SORCS3: variants seen among roughly 807,000 people sequenced by gnomAD.
SORCS3 encodes the protein sortilin related VPS10 domain containing receptor 3, also known as VPS10 domain-containing receptor SorCS3.
SORCS3 carries 57 observed loss-of-function variants against 146.3 expected under a neutral mutation model. The ratio of observed to expected loss-of-function variants is 0.39; its 90% confidence interval spans 0.31 to 0.49. SORCS3 has a LOEUF of 0.49. SORCS3 is among the 20% of genes least tolerant of loss of function. The pLI is 0.92. For synonymous variants in SORCS3, 653 were observed against 618.5 expected, an observed-to-expected ratio of 1.06 and a Z score of -0.83; for missense variants, 1,341 against 1,575.5, an observed-to-expected ratio of 0.85 and a Z score of 2.52.
intron 1 of SORCS3, among the ~76,000 whole-genome samples, chr10:104,796,404 T>C (rs185938783): frequency 2.3e-4 from 35 of 152,098 alleles, no homozygotes; most frequent in African/African-American, 8.0e-4. Flanking sequence ...TAGGGTAGAG[T>C]GTCTTTAACA....
At chr10:105,167,438 C>A (rs2119528098) in intron 13 of SORCS3, 89 bp downstream of exon 13, 7 of 886,502 alleles carry the variant, frequency 7.9e-6, no homozygotes, top group South Asian at 3.2e-5. Flanking sequence ...TGGTTTTGTA[C>A]CCATTTGTAC....
At chr10:104,850,568 A>G (rs2018264419) in intron 2 of SORCS3, among the ~76,000 whole-genome samples, 1 of 152,152 alleles carries the variant, frequency 6.6e-6, no homozygotes. Flanking sequence ...TGGGTGACAA[A>G]GTGAGACCCT....
chr10:105,084,983 G>A (rs2055650623), intron 5 of SORCS3, among the ~76,000 whole-genome samples: 1 of 152,080 alleles, frequency 6.6e-6, no homozygotes, highest in Non-Finnish European at 1.5e-5. Flanking sequence ...GCCCGACTCG[G>A]CCTCCCAAAG....
In SORCS3 at chr10:104,773,629, G is replaced by A. The variant is rs1246543805; in HGVS notation, c.628-69163G>A. 6.6e-5 allele frequency among the ~76,000 whole-genome samples: 10 copies of A among 152,196 alleles called. No individual in the cohort carries two copies. The East Asian group carries it at 1.9e-3, about 29-fold the overall frequency. ...AGGAGGAGGAACTCAGAATAGGGAG[G>A]CAGACACTGCTGTGTGTTGTTGGGA... On this transcript the variant is annotated intron_variant, in intron 1 of 26. Coordinates refer to ENST00000369701, the MANE Select transcript of SORCS3 (RefSeq NM_014978.3).
At chr10:105,258,264 G>A (rs1366660701) in intron 25 of SORCS3, among the ~76,000 whole-genome samples, 1 of 152,160 alleles carries the variant, frequency 6.6e-6, no homozygotes, top group Non-Finnish European at 1.5e-5. Context: ...ATCAAGATGT[G>A]TTAACCCACA....
intron 1 of SORCS3, among the ~76,000 whole-genome samples, chr10:104,702,791 T>TAG (rs887569558): frequency 3.3e-5 from 5 of 152,184 alleles, no homozygotes; most frequent in African/African-American, 1.2e-4. Context: ...AATAGAGTGC[T>TAG]AGACTGGGTG....
At chr10:105,158,062 T>C (rs745953858) in intron 10 of SORCS3, among the ~76,000 whole-genome samples, 17 of 152,230 alleles carry the variant, frequency 1.1e-4, no homozygotes, top group Non-Finnish European at 2.5e-4. Context: ...TTTCCCTTTG[T>C]AATTTTCAGC....
chr10:104,646,950 C>T (rs1487503606), intron 1 of SORCS3, among the ~76,000 whole-genome samples: 2 of 152,030 alleles, frequency 1.3e-5, no homozygotes, highest in Non-Finnish European at 2.9e-5. Flanking sequence ...GATGAGGGAG[C>T]TTTGCCTTAC....
chr10:105,162,096 C>T (rs1464044207), intron 11 of SORCS3, among the ~76,000 whole-genome samples: 1 of 152,226 alleles, frequency 6.6e-6, no homozygotes, highest in Non-Finnish European at 1.5e-5. Context: ...CTCCCTCTGG[C>T]ATGAGTGGTG....
intron 5 of SORCS3, among the ~76,000 whole-genome samples, chr10:105,059,206 A>G (rs1204238247): frequency 6.6e-6 from 1 of 152,092 alleles, no homozygotes; most frequent in Non-Finnish European, 1.5e-5. Context: ...CCCCTTATCA[A>G]AAACCCCCTC....
intron 1 of SORCS3, among the ~76,000 whole-genome samples, chr10:104,724,100 G>A (rs1450250667): frequency 6.6e-6 from 1 of 152,136 alleles, no homozygotes; most frequent in Non-Finnish European, 1.5e-5. Flanking sequence ...GCATGTTTTT[G>A]CAGTGGCTGG....
chr10:104,759,425 G>A (rs1354117792), intron 1 of SORCS3, among the ~76,000 whole-genome samples: 1 of 152,050 alleles, frequency 6.6e-6, no homozygotes, highest in South Asian at 2.1e-4. Flanking sequence ...ATCTGCAGAG[G>A]GCCAAATAAT....
chr10:105,041,768 C>T (rs1480856387), intron 4 of SORCS3, among the ~76,000 whole-genome samples: 2 of 152,086 alleles, frequency 1.3e-5, no homozygotes, highest in Non-Finnish European at 2.9e-5. Context: ...GGAAGAACAG[C>T]CCTATAGGAG....
At chr10:105,081,199 T>C (rs1186714632) in intron 5 of SORCS3, among the ~76,000 whole-genome samples, 1 of 152,178 alleles carries the variant, frequency 6.6e-6, no homozygotes, top group Admixed American at 6.5e-5. Flanking sequence ...ACCTTATCAG[T>C]ATTTTACCCT....
intron 1 of SORCS3, among the ~76,000 whole-genome samples, chr10:104,780,834 G>A (rs1374372031): frequency 6.6e-6 from 1 of 152,180 alleles, no homozygotes. Flanking sequence ...AGGGGACATG[G>A]AAGTGTCAGA....
chr10:105,239,566 G>A (rs1200813620), intron 20 of SORCS3, among the ~76,000 whole-genome samples: 1 of 152,128 alleles, frequency 6.6e-6, no homozygotes, highest in East Asian at 1.9e-4. Flanking sequence ...CGCACATGAG[G>A]GATTCTCTGT....
At chr10:104,788,036 T>G (rs1292905438) in intron 1 of SORCS3, among the ~76,000 whole-genome samples, 1 of 152,196 alleles carries the variant, frequency 6.6e-6, no homozygotes, top group Non-Finnish European at 1.5e-5. Flanking sequence ...TCTTATAGAC[T>G]CTACTTGGAG....
intron 1 of SORCS3, among the ~76,000 whole-genome samples, chr10:104,729,716 T>G (rs191638548): frequency 4.0e-4 from 61 of 152,364 alleles, no homozygotes; most frequent in Admixed American, 2.5e-3. Context: ...TCAGGCTGCA[T>G]GAGTGGAACT....
chr10:105,243,948 G>A (rs1346533010), intron 20 of SORCS3, among the ~76,000 whole-genome samples: 4 of 152,140 alleles, frequency 2.6e-5, no homozygotes, highest in African/African-American at 9.7e-5. Flanking sequence ...CCATACATGG[G>A]TATGTTGTGA....
Sources: gnomAD v4.1 joint callset for allele counts (sites outside exome capture counted in the v4.1 genomes callset) on GRCh38, gnomAD v4.1.1 for gene constraint, MANE v1.5 for transcripts, NCBI Gene and HGNC (gene_info 2026-07-23, HGNC 2026-07-21) for gene names.